The following PEX14 variants were observed in gnomAD, a reference collection of about 807,000 sequenced individuals.
PEX14 encodes peroxisomal biogenesis factor 14.
A neutral mutation model predicts 49.5 loss-of-function variants in PEX14; 15 were observed. The ratio of observed to expected loss-of-function variants is 0.30; its 90% CI spans 0.20 to 0.47. The LOEUF (loss-of-function observed/expected upper bound fraction) is 0.47. Among genes scored for constraint, PEX14 ranks in the 20% least tolerant of loss-of-function variants. The probability of loss-of-function intolerance (pLI) is 1.00; values close to 1 mark genes in which losing one functional copy is unlikely to be tolerated. For missense variants in PEX14, 398 were observed against 494.8 expected, an observed-to-expected ratio of 0.80 and a Z score of 1.86; for synonymous variants, 210 against 212.7, an observed-to-expected ratio of 0.99 and a Z score of 0.11.
intron 1 of PEX14, among the ~76,000 whole-genome samples, chr1:10,487,916 GA>G (rs1641400779): frequency 6.6e-6 from 1 of 151,986 alleles, no homozygotes; most frequent in Non-Finnish European, 1.5e-5. Context: ...GAGTAGCTGG[GA>G]TTACAGGCAT....
intron 2 of PEX14, among the ~76,000 whole-genome samples, chr1:10,524,848 T>C (rs1034383091): frequency 1.3e-5 from 2 of 152,110 alleles, no homozygotes; most frequent in Non-Finnish European, 2.9e-5. Flanking sequence ...CGCCAAGCTA[T>C]TTAAAAAAAA....
chr1:10,503,259 G>A (rs1641714599), intron 2 of PEX14, among the ~76,000 whole-genome samples: 1 of 126,974 alleles, frequency 7.9e-6, no homozygotes, highest in South Asian at 2.5e-4. Flanking sequence ...TCCAGCCTGG[G>A]CAACAGAGCA....
At chr1:10,601,863 G>A (rs1640994000) in intron 4 of PEX14, among the ~76,000 whole-genome samples, 1 of 152,228 alleles carries the variant, frequency 6.6e-6, no homozygotes, top group South Asian at 2.1e-4. Context: ...ATTTGTTGAG[G>A]ATAGGCAGCG....
At chr1:10,581,029 C>T (rs1251777575) in intron 3 of PEX14, among the ~76,000 whole-genome samples, 1 of 152,046 alleles carries the variant, frequency 6.6e-6, no homozygotes, top group East Asian at 1.9e-4. Flanking sequence ...GTGGAGGAAG[C>T]AGCTGACACA....
intron 4 of PEX14, among the ~76,000 whole-genome samples, chr1:10,600,639 A>C (rs1570331896): frequency 6.6e-6 from 1 of 150,770 alleles, no homozygotes; most frequent in African/African-American, 2.4e-5. Flanking sequence ...AATCACTTAA[A>C]CCCAGGAGGT....
chr1:10,525,167 G>T (rs1194217039), intron 2 of PEX14, among the ~76,000 whole-genome samples: 1 of 152,100 alleles, frequency 6.6e-6, no homozygotes, highest in Non-Finnish European at 1.5e-5. Flanking sequence ...CTTAATTGGG[G>T]TTTATCAGAG....
intron 5 of PEX14, 85 bp from the exon 6 acceptor site, chr1:10,622,934 G>T: frequency 1.1e-6 from 1 of 927,284 alleles, no homozygotes; most frequent in South Asian, 1.4e-5. Flanking sequence ...ATGACAGGGA[G>T]AAAGTTGGGC....
chr1:10,499,481 C>T (rs1043967790), intron 2 of PEX14, among the ~76,000 whole-genome samples: 33 of 140,526 alleles, frequency 2.3e-4, no homozygotes, highest in African/African-American at 8.3e-4. Context: ...TGGAGTCTTG[C>T]TCTGTCACCC....
At chr1:10,492,579 T>G (rs1641490527) in intron 1 of PEX14, among the ~76,000 whole-genome samples, 1 of 152,212 alleles carries the variant, frequency 6.6e-6, no homozygotes, top group African/African-American at 2.4e-5. Flanking sequence ...ATTGTGAGAA[T>G]TAAAGGAGGA....
intron 3 of PEX14, among the ~76,000 whole-genome samples, chr1:10,569,604 C>G (rs1171107133): frequency 6.6e-6 from 1 of 152,186 alleles, no homozygotes; most frequent in Non-Finnish European, 1.5e-5. Context: ...GTTGGTAGAA[C>G]AGATCCTCCA....
intron 1 of PEX14, among the ~76,000 whole-genome samples, chr1:10,477,928 G>C (rs1044251531): frequency 6.6e-6 from 1 of 152,042 alleles, no homozygotes; most frequent in Non-Finnish European, 1.5e-5. Flanking sequence ...TCACTCTGTT[G>C]ACCAGGCTGG....
At chr1:10,609,869 A>G (rs1241028479) in intron 4 of PEX14, among the ~76,000 whole-genome samples, 1 of 152,090 alleles carries the variant, frequency 6.6e-6, no homozygotes, top group East Asian at 1.9e-4. Context: ...TGGGTGACCG[A>G]ACGAAGCTCC....
intron 3 of PEX14, among the ~76,000 whole-genome samples, chr1:10,559,329 C>A (rs1411765827): frequency 1.3e-5 from 2 of 152,156 alleles, no homozygotes; most frequent in Non-Finnish European, 2.9e-5. Flanking sequence ...AGGACTTTTT[C>A]ATCTATTTTA....
At chr1:10,598,368 C>T (rs1305929280) in intron 3 of PEX14, among the ~76,000 whole-genome samples, 3 of 152,214 alleles carry the variant, frequency 2.0e-5, no homozygotes, top group Non-Finnish European at 4.4e-5. Context: ...TCCCAAGAGT[C>T]AGTGTCCCAA....
intron 2 of PEX14, among the ~76,000 whole-genome samples, chr1:10,500,576 A>G (rs983658996): frequency 2.6e-5 from 4 of 151,918 alleles, no homozygotes; most frequent in South Asian, 2.1e-4. Flanking sequence ...TTTTCCCACC[A>G]AAACATTTCT....
intron 2 of PEX14, among the ~76,000 whole-genome samples, chr1:10,498,401 A>G (rs1557812228): frequency 6.6e-6 from 1 of 152,244 alleles, no homozygotes; most frequent in Non-Finnish European, 1.5e-5. Context: ...GATGTAGTCA[A>G]TATGTGCATG....
rs946466664 is a variant in PEX14, at chr1:10,512,367, G to C, written c.84+17046G>C. Among the ~76,000 whole-genome samples the C allele has an allele frequency of 2.0e-5, 3 of 152,152 alleles. No individual in the cohort carries two copies. The highest frequency in any genetic ancestry group is 2.9e-5 in the Non-Finnish European group (2 of 68,042). On this transcript the variant is annotated intron_variant, in intron 2 of 8. Transcript: ENST00000356607. This position sits in a 1 kb window ranked among gnomAD's most constrained non-coding sequence, Gnocchi z 4.6. ...CTAAGTCACCTGATTGATGACATGA[G>C]CATTGCTGGGTGTTGAAACACCTGG... is the stretch of plus-strand genomic sequence containing the variant.
intron 8 of PEX14, 141 bp downstream of exon 8, chr1:10,627,504 G>C: frequency 1.5e-6 from 1 of 677,618 alleles, no homozygotes; most frequent in South Asian, 1.6e-5. Flanking sequence ...TGAGTCTGGG[G>C]CCTTTTGAGC....
In PEX14 at chr1:10,514,829, G is replaced by A. The variant is rs983435289; in HGVS notation, c.84+19508G>A. Among the ~76,000 whole-genome samples, 4 of 152,172 alleles carry A rather than the reference G, an allele frequency of 2.6e-5. No individual in the cohort carries two copies. Among genetic ancestry groups the A allele is most frequent in the African/African-American group, 4.8e-5 (2 of 41,434 alleles). ...TTCTTGAAAATTGTGTACTGATTGCGATCTGTTCTGCTATCACCTGCAGTG... is the reference window on the plus strand; with the variant it reads ...TTCTTGAAAATTGTGTACTGATTGCAATCTGTTCTGCTATCACCTGCAGTG... On this transcript the variant is annotated intron_variant, in intron 2 of 8. Transcript: ENST00000356607. This position sits in a 1 kb window ranked among gnomAD's most constrained non-coding sequence, Gnocchi z 4.4.
Sources: gnomAD v4.1 joint callset for allele counts (sites outside exome capture counted in the v4.1 genomes callset) on GRCh38, gnomAD v4.1.1 for gene constraint, Gnocchi (gnomAD v3.1) non-coding constraint, MANE v1.5 for transcripts, NCBI Gene and HGNC (gene_info 2026-07-23, HGNC 2026-07-21) for gene names.